Variants in NEMP2 observed in about 807,000 individuals in gnomAD.
NEMP2 encodes nuclear envelope integral membrane protein 2.
Under a neutral mutation model 54.2 loss-of-function variants are expected in NEMP2, and 53 were observed. That is an observed-to-expected ratio of 0.98 (90% CI 0.78 to 1.23). The LOEUF (loss-of-function observed/expected upper bound fraction) is 1.23. Among genes scored for constraint, NEMP2 ranks in the 50% most tolerant of loss-of-function variants. NEMP2 has a pLI of 0.00. For synonymous variants in NEMP2, 197 were observed against 190.3 expected (o/e 1.04, Z -0.29); for missense variants, 455 against 511.3 (o/e 0.89, Z 1.06).
In NEMP2 at chr2:190,506,756, C is replaced by CA. The variant is rs1206001003; in HGVS notation, c.*2432dup. On this transcript the variant is annotated 3_prime_UTR_variant, in exon 9 of 9. Transcript: ENST00000409150. The surrounding 1 kb of genome is among the most constrained non-coding windows in gnomAD (Gnocchi z 6.3). Reference sequence around the variant, plus strand: ...TATATCTCACCCACACATCTGGTGTCAAAGAGTTCAACTTGCTAACAACAG... The same window carrying CA: ...TATATCTCACCCACACATCTGGTGTCAAAAGAGTTCAACTTGCTAACAACAG... 1 of 152,218 alleles carries CA rather than the reference C, an allele frequency of 6.6e-6. No individual in the cohort carries two copies. The highest frequency in any genetic ancestry group is 1.5e-5 in the Non-Finnish European group (1 of 68,042). 9.4% of individuals were successfully genotyped at this position (152,218 alleles called of 1,614,324 possible).
At position 190,512,316 on chromosome 2, in the gene NEMP2, G is replaced by T. The variant is rs1357368086; in HGVS notation, c.954-1779C>A. The stretch of plus-strand genomic sequence containing the variant: ...CTGTACAGGTTAAATGAGATATTTT[G>T]TGTAGGGTTCTTAGCACTGTAAGTG... On this transcript the variant is annotated intron_variant, in intron 7 of 8. Coordinates refer to ENST00000409150, the MANE Select transcript of NEMP2 (RefSeq NM_001142645.2). The surrounding 1 kb of genome is among the most constrained non-coding windows in gnomAD (Gnocchi z 4.5). 4.6e-5 allele frequency among the ~76,000 whole-genome samples: 7 copies of T among 152,172 alleles called. No homozygotes were observed. Among genetic ancestry groups the T allele is most frequent in the African/African-American group, 1.7e-4 (7 of 41,446 alleles).
the NEMP2 span, among the ~76,000 whole-genome samples, chr2:190,425,924 T>G: frequency 6.6e-6 from 1 of 152,230 alleles, no homozygotes; most frequent in South Asian, 2.1e-4. This position sits in a 1 kb window ranked among gnomAD's most constrained non-coding sequence, Gnocchi z 4.3. Context: ...AGAAATCTGC[T>G]ATCATTTCAA....
At chr2:190,490,414 T>A in the NEMP2 span, among the ~76,000 whole-genome samples, 1 of 151,900 alleles carries the variant, frequency 6.6e-6, no homozygotes, top group African/African-American at 2.4e-5. The surrounding 1 kb of genome is among the most constrained non-coding windows in gnomAD (Gnocchi z 4.5). Context: ...ATATAAAAAA[T>A]TAGCCGGGCA....
At chr2:190,590,343 C>A in the NEMP2 span, among the ~76,000 whole-genome samples, 1 of 152,144 alleles carries the variant, frequency 6.6e-6, no homozygotes, top group South Asian at 2.1e-4. This position sits in a 1 kb window ranked among gnomAD's most constrained non-coding sequence, Gnocchi z 5.1. Flanking sequence ...TAATCCATGC[C>A]ATGTTTTGGG....
upstream of NEMP2, among the ~76,000 whole-genome samples, chr2:190,537,012 A>G (rs1691398251): frequency 6.6e-6 from 1 of 152,218 alleles, no homozygotes; most frequent in Non-Finnish European, 1.5e-5. Context: ...AAAAAAGCAG[A>G]GAGGAGAAAA....
chr2:190,497,954 T>C, the NEMP2 span: 1 of 378,690 alleles, frequency 2.6e-6, no homozygotes, highest in African/African-American at 2.0e-5. The surrounding 1 kb of genome is among the most constrained non-coding windows in gnomAD (Gnocchi z 5.2). Context: ...GAGGTTATGA[T>C]TCTTTCACTT....
chr2:190,454,002 A>T, the NEMP2 span: 1 of 152,230 alleles, frequency 6.6e-6, no homozygotes, highest in African/African-American at 2.4e-5. This position sits in a 1 kb window ranked among gnomAD's most constrained non-coding sequence, Gnocchi z 4.6. Flanking sequence ...TATAGGGAAA[A>T]TGTTTATGTT....
chr2:190,431,523 C>T, the NEMP2 span, among the ~76,000 whole-genome samples: 3 of 152,188 alleles, frequency 2.0e-5, no homozygotes, highest in Admixed American at 1.3e-4. The surrounding 1 kb of genome is among the most constrained non-coding windows in gnomAD (Gnocchi z 4.4). Flanking sequence ...GCCAACACAG[C>T]GAAACCCCGT....
chr2:190,500,959 C>T (rs555129484), downstream of NEMP2: 7 of 152,208 alleles, frequency 4.6e-5, no homozygotes, highest in East Asian at 3.9e-4. This position sits in a 1 kb window ranked among gnomAD's most constrained non-coding sequence, Gnocchi z 5.3. Context: ...CAGAAACAAG[C>T]GATTATTTCA....
the NEMP2 span, among the ~76,000 whole-genome samples, chr2:190,545,144 G>T: frequency 1.7e-4 from 25 of 150,308 alleles, no homozygotes; most frequent in African/African-American, 5.6e-4. Flanking sequence ...GAAAAAAAAA[G>T]ATTTATTTTT....
chr2:190,483,704 A>G, the NEMP2 span, among the ~76,000 whole-genome samples: 86 of 152,120 alleles, frequency 5.7e-4, no homozygotes, highest in African/African-American at 1.9e-3. Context: ...GCGTGGTGGC[A>G]CACACCTGTA....
the NEMP2 span, among the ~76,000 whole-genome samples, chr2:190,482,903 T>TTTTTTTTTTTTTTG: frequency 6.6e-3 from 567 of 86,222 alleles, 219 homozygotes; most frequent in Middle Eastern, 0.022. Flanking sequence ...TTTTTTTTTT[T>TTTTTTTTTTTTTTG]AGACGGAGTC....
the NEMP2 span, among the ~76,000 whole-genome samples, chr2:190,469,187 G>T: frequency 1.2e-3 from 184 of 152,316 alleles, no homozygotes; most frequent in African/African-American, 4.4e-3. The surrounding 1 kb of genome is among the most constrained non-coding windows in gnomAD (Gnocchi z 5.3). Flanking sequence ...ACTGATAGGA[G>T]AAACTATTTG....
At chr2:190,556,172 CA>C in the NEMP2 span, among the ~76,000 whole-genome samples, 1 of 152,194 alleles carries the variant, frequency 6.6e-6, no homozygotes, top group African/African-American at 2.4e-5. Context: ...GCTGGTTCAA[CA>C]AACACAAATC....
the NEMP2 span, among the ~76,000 whole-genome samples, chr2:190,571,231 A>T: frequency 6.6e-6 from 1 of 152,220 alleles, no homozygotes; most frequent in African/African-American, 2.4e-5. Context: ...CTACTAATAC[A>T]TCTTTCTCTT....
the NEMP2 span, among the ~76,000 whole-genome samples, chr2:190,612,312 C>T: frequency 1.1e-3 from 169 of 152,170 alleles, 1 homozygote; most frequent in East Asian, 3.3e-3. Flanking sequence ...CGTGCCACCA[C>T]GCCCAGCTAA....
the NEMP2 span, among the ~76,000 whole-genome samples, chr2:190,449,976 G>A: frequency 5.3e-3 from 807 of 151,802 alleles, 6 homozygotes; most frequent in African/African-American, 0.018. Flanking sequence ...TAACTAACCT[G>A]CACATTGTGC....
At chr2:190,451,450 G>T in the NEMP2 span, among the ~76,000 whole-genome samples, 2 of 152,298 alleles carry the variant, frequency 1.3e-5, no homozygotes, top group East Asian at 3.9e-4. The surrounding 1 kb of genome is among the most constrained non-coding windows in gnomAD (Gnocchi z 5.0). Context: ...ATAATCTAGG[G>T]ATATATGGAA....
Position 190,508,063 on chromosome 2 carries a change from C to T in NEMP2, c.*1126G>A, listed in dbSNP as rs1690236359. 1 of 151,624 alleles carries T rather than the reference C, an allele frequency of 6.6e-6. No homozygotes were observed. Among genetic ancestry groups the T allele is most frequent in the African/African-American group, 2.4e-5 (1 of 41,258 alleles). 9.4% of individuals were successfully genotyped at this position (151,624 alleles called of 1,614,324 possible). The stretch of plus-strand genomic sequence containing the variant: ...CAATCTGGAGTTTAATATCATGAAT[C>T]AAGAAAAAAAATCATTTTATAAGAA... On this transcript the variant is annotated 3_prime_UTR_variant, in exon 9 of 9. Coordinates refer to ENST00000409150, the MANE Select transcript of NEMP2 (RefSeq NM_001142645.2). This position sits in a 1 kb window ranked among gnomAD's most constrained non-coding sequence, Gnocchi z 4.3.
Sources: allele counts gnomAD v4.1 joint callset (sites outside exome capture counted in the v4.1 genomes callset), GRCh38; gene constraint gnomAD v4.1.1; non-coding constraint Gnocchi (gnomAD v3.1); transcripts MANE v1.5; gene names NCBI Gene and HGNC (gene_info 2026-07-23, HGNC 2026-07-21).